HS6ST2: variants seen among roughly 807,000 people sequenced by gnomAD.
HS6ST2 encodes heparan sulfate 6-O-sulfotransferase 2.
Under a neutral mutation model 33.0 loss-of-function variants are expected in HS6ST2, and 17 were observed. That is an observed-to-expected ratio of 0.52 (90% CI 0.35 to 0.77). HS6ST2 has a LOEUF of 0.77. Among genes scored for constraint, HS6ST2 ranks in the 30% least tolerant of loss-of-function variants. The pLI is 0.01. For missense variants in HS6ST2, 519 were observed against 551.7 expected, an observed-to-expected ratio of 0.94 and a Z score of 0.59; for synonymous variants, 248 against 237.1, an observed-to-expected ratio of 1.05 and a Z score of -0.42.
At chrX:132,920,219 G>T (rs184433406) in intron 2 of HS6ST2, among the ~76,000 whole-genome samples, 1 of 110,557 alleles carries the variant, frequency 9.0e-6, no homozygotes, top group Admixed American at 9.7e-5. Context: ...CTGAAGTCTG[G>T]CCATCCCAGA....
chrX:132,805,849 C>T (rs776822714), intron 2 of HS6ST2, among the ~76,000 whole-genome samples: 1 of 110,457 alleles, frequency 9.1e-6, no homozygotes, highest in East Asian at 2.8e-4. Flanking sequence ...CACTAGAGGC[C>T]ACCTTAGTTG....
At chrX:132,888,848 C>T (rs1316092004) in intron 2 of HS6ST2, among the ~76,000 whole-genome samples, 1 of 110,563 alleles carries the variant, frequency 9.0e-6, no homozygotes, top group African/African-American at 3.3e-5. Context: ...CTCAATAGAG[C>T]TGATGTGTAT....
chrX:132,755,417 G>A (rs1006817886), intron 2 of HS6ST2, among the ~76,000 whole-genome samples: 1 of 111,575 alleles, frequency 9.0e-6, no homozygotes, highest in African/African-American at 3.3e-5. Flanking sequence ...ATTTCTCCAA[G>A]GAGCCCTGGT....
intron 3 of HS6ST2, among the ~76,000 whole-genome samples, chrX:132,687,813 A>G (rs1347413204): frequency 9.0e-6 from 1 of 110,782 alleles, no homozygotes; most frequent in African/African-American, 3.3e-5. Context: ...CAATGGCGCA[A>G]TCTCGGCTCA....
chrX:132,770,541 C>T (rs1221718046), intron 2 of HS6ST2, among the ~76,000 whole-genome samples: 1 of 111,897 alleles, frequency 8.9e-6, no homozygotes, highest in African/African-American at 3.2e-5. Flanking sequence ...ACAACCTGCA[C>T]CACTGCTTAT....
At position 132,826,951 on chromosome X, in the gene HS6ST2, T is replaced by C. The variant is rs186958507; in HGVS notation, c.948-118457A>G. Among the ~76,000 whole-genome samples, 376 of 111,289 alleles carry C rather than the reference T, an allele frequency of 3.4e-3. 1 individual carries two copies. The highest frequency in any genetic ancestry group is 3.0e-3 in the Non-Finnish European group (160 of 53,096). On this transcript the variant is annotated intron_variant, in intron 2 of 4. Transcript: ENST00000370833. ...ATCTCCTTCCAGCTTGATGTGTTTT[T>C]GTTATTAATTAAGATGACTGAAAAC...
rs1445266681 is a variant in HS6ST2, at chrX:132,938,260, G to GT, written c.947+18547dup. 8.2e-4 allele frequency among the ~76,000 whole-genome samples: 86 copies of GT among 105,031 alleles called. 1 individual carries two copies. Among genetic ancestry groups the GT allele is most frequent in the Admixed American group, 1.1e-3 (11 of 9,787 alleles). The allele number at this position is 105,031 out of a possible 115,157, so 91.2% of individuals were successfully genotyped here. The stretch of plus-strand genomic sequence containing the variant: ...TGACAAAATCCAATATCCATTCATT[G>GT]TTTTTTTTTTAAAGAAACACTCATC... On this transcript the variant is annotated intron_variant, in intron 2 of 4. Coordinates refer to ENST00000370833, the MANE Select transcript of HS6ST2 (RefSeq NM_001394073.1).
At chrX:132,906,025 C>CA (rs1161417902) in intron 2 of HS6ST2, among the ~76,000 whole-genome samples, 23 of 107,970 alleles carry the variant, frequency 2.1e-4, no homozygotes, top group Middle Eastern at 4.8e-3. Context: ...GACACTGTTT[C>CA]AAAAAAAAAG....
At position 132,802,416 on chromosome X, in the gene HS6ST2, G is replaced by T. The variant is rs1205085262; in HGVS notation, c.948-93922C>A. Among the ~76,000 whole-genome samples the T allele has an allele frequency of 8.0e-5, 9 of 111,893 alleles. No homozygotes were observed. The Admixed American group carries it at 8.6e-4, about 11-fold the overall frequency. On this transcript the variant is annotated intron_variant, in intron 2 of 4. Transcript: ENST00000370833. ...GGATGCATCTTTTTTCTGTCCGCAA[G>T]TGTGTGGTCTTCTCATACAGCAAGG...
intron 2 of HS6ST2, among the ~76,000 whole-genome samples, chrX:132,950,628 AAC>A (rs766203390): frequency 3.2e-3 from 359 of 111,886 alleles, no homozygotes; most frequent in African/African-American, 0.011. Flanking sequence ...AGTGAAATAA[AAC>A]AGTTTTTCCA....
intron 2 of HS6ST2, among the ~76,000 whole-genome samples, chrX:132,926,483 TC>T (rs1418034578): frequency 8.9e-6 from 1 of 112,648 alleles, no homozygotes; most frequent in African/African-American, 3.2e-5. Flanking sequence ...AACAGCCTCT[TC>T]CAATCCTGTC....
At chrX:132,823,818 G>A (rs1195920617) in intron 2 of HS6ST2, among the ~76,000 whole-genome samples, 1 of 104,341 alleles carries the variant, frequency 9.6e-6, no homozygotes, top group African/African-American at 3.5e-5. Flanking sequence ...TCACACCACT[G>A]TACTCCAGCC....
At chrX:132,780,787 C>T (rs190950635) in intron 2 of HS6ST2, among the ~76,000 whole-genome samples, 103 of 111,893 alleles carry the variant, frequency 9.2e-4, no homozygotes, top group Admixed American at 2.7e-3. Context: ...GAGCAGGATT[C>T]ATGAGGTGGG....
intron 2 of HS6ST2, among the ~76,000 whole-genome samples, chrX:132,922,794 G>C (rs1474236743): frequency 8.9e-6 from 1 of 111,955 alleles, no homozygotes; most frequent in Non-Finnish European, 1.9e-5. Flanking sequence ...ATTTTTCTGT[G>C]GCTCACGCCT....
intron 3 of HS6ST2, among the ~76,000 whole-genome samples, chrX:132,688,541 C>A (rs1849202): frequency 0.014 from 1,530 of 110,898 alleles, 30 homozygotes; most frequent in African/African-American, 0.048. Context: ...TGCATGGTGG[C>A]AGCAAGGAGA....
At chrX:132,817,564 G>C (rs761137780) in intron 2 of HS6ST2, among the ~76,000 whole-genome samples, 12 of 111,957 alleles carry the variant, frequency 1.1e-4, no homozygotes, top group African/African-American at 3.9e-4. Flanking sequence ...GTCCAGCCAA[G>C]ACTTACGGAG....
intron 3 of HS6ST2, among the ~76,000 whole-genome samples, chrX:132,694,458 G>A (rs2064088577): frequency 9.0e-6 from 1 of 111,532 alleles, no homozygotes; most frequent in African/African-American, 3.3e-5. Flanking sequence ...AAAGCAAGGA[G>A]ACCAGTGTGA....
intron 2 of HS6ST2, among the ~76,000 whole-genome samples, chrX:132,801,706 T>C (rs1219579837): frequency 8.9e-6 from 1 of 111,919 alleles, no homozygotes; most frequent in Admixed American, 9.5e-5. Context: ...GCCTGTACTT[T>C]AGCATGTAGC....
At chrX:132,629,583 A>C (rs2063503724) in intron 4 of HS6ST2, among the ~76,000 whole-genome samples, 1 of 112,562 alleles carries the variant, frequency 8.9e-6, no homozygotes, top group Non-Finnish European at 1.9e-5. Flanking sequence ...CTTATTAAAT[A>C]TGCAATAGCA....
Sources: gnomAD v4.1 joint callset for allele counts (sites outside exome capture counted in the v4.1 genomes callset) on GRCh38, gnomAD v4.1.1 for gene constraint, MANE v1.5 for transcripts, NCBI Gene and HGNC (gene_info 2026-07-23, HGNC 2026-07-21) for gene names.